The following AUH variants were observed in gnomAD, a reference collection of about 807,000 sequenced individuals.
The protein encoded by AUH is methylglutaconyl-CoA hydratase, mitochondrial.
A neutral mutation model predicts 42.3 loss-of-function variants in AUH; 29 were observed. That is an observed-to-expected ratio of 0.69 (90% confidence interval 0.51 to 0.93). The LOEUF (loss-of-function observed/expected upper bound fraction) is 0.93. Among genes scored for constraint, AUH ranks in the 40% least tolerant of loss-of-function variants. The pLI is 0.00. For missense variants in AUH, 452 were observed against 438.1 expected (o/e 1.03, Z -0.28); for synonymous variants, 174 against 166.4 (o/e 1.05, Z -0.35).
At chr9:91,317,282 T>A (rs1829230395) in intron 4 of AUH, among the ~76,000 whole-genome samples, 1 of 152,222 alleles carries the variant, frequency 6.6e-6, no homozygotes, top group African/African-American at 2.4e-5. Flanking sequence ...TTACACTGAA[T>A]TACACCATTT....
intron 6 of AUH, among the ~76,000 whole-genome samples, chr9:91,288,339 T>C (rs1316890048): frequency 1.3e-5 from 2 of 152,160 alleles, no homozygotes; most frequent in East Asian, 3.8e-4. Flanking sequence ...AAGTACTGTT[T>C]TAGGAACTAT....
intron 4 of AUH, among the ~76,000 whole-genome samples, chr9:91,317,374 T>C (rs1213519203): frequency 1.3e-5 from 2 of 152,196 alleles, no homozygotes; most frequent in African/African-American, 4.8e-5. Flanking sequence ...CATGTTACAA[T>C]AAAGTTTTAT....
intron 6 of AUH, among the ~76,000 whole-genome samples, chr9:91,249,392 T>C (rs931568440): frequency 1.3e-5 from 2 of 148,450 alleles, no homozygotes; most frequent in East Asian, 2.0e-4. Flanking sequence ...TGGACCCACA[T>C]GGCTCTGTGA....
At chr9:91,353,526 T>C (rs1360198784) in intron 3 of AUH, among the ~76,000 whole-genome samples, 2 of 152,192 alleles carry the variant, frequency 1.3e-5, no homozygotes, top group Non-Finnish European at 2.9e-5. Context: ...AAATATTCTT[T>C]AAATAATGTA....
At chr9:91,330,207 A>G (rs1830229339) in intron 3 of AUH, among the ~76,000 whole-genome samples, 1 of 152,316 alleles carries the variant, frequency 6.6e-6, no homozygotes, top group South Asian at 2.1e-4. Context: ...AATCTCGAAA[A>G]GATATCACTT....
chr9:91,352,916 C>T (rs558288432), intron 3 of AUH, among the ~76,000 whole-genome samples: 11 of 152,128 alleles, frequency 7.2e-5, no homozygotes, highest in African/African-American at 2.7e-4. Context: ...TGAGGCAAGA[C>T]CATTTGCTAA....
At chr9:91,361,295 T>G (rs149855517) in intron 1 of AUH, among the ~76,000 whole-genome samples, 1 of 152,308 alleles carries the variant, frequency 6.6e-6, no homozygotes, top group East Asian at 1.9e-4. Context: ...CAATAAAGCC[T>G]GGTAGCAAGG....
At chr9:91,245,203 T>C (rs1210579792) in intron 6 of AUH, among the ~76,000 whole-genome samples, 3 of 152,020 alleles carry the variant, frequency 2.0e-5, no homozygotes, top group East Asian at 1.9e-4. Context: ...GCCCAGCAGG[T>C]GGGAACTGGA....
intron 5 of AUH, 120 bp from the exon 6 acceptor site, chr9:91,296,197 C>CTTTTTTTTT: frequency 1.0e-6 from 1 of 1,001,806 alleles, no homozygotes; most frequent in Non-Finnish European, 1.5e-6. Context: ...ATCACAAATT[C>CTTTTTTTTT]TTAAAAAAAA....
In AUH at chr9:91,361,761, C is replaced by A; in HGVS notation, c.129G>T (p.Arg43=). The change falls in exon 1 of 10, where the codon CGG becomes CGT. Residue 43 remains arginine, a synonymous_variant. Coordinates refer to ENST00000375731, the MANE Select transcript of AUH (RefSeq NM_001698.3). ...GLRLPGSLAG[R]RAGPAIWAQG... ...GGGCCCAGATCGCCGGGCCCGCTCGCCGGCCTGCCAACGAGCCGGGCAGCC... is the reference window on the plus strand; with the variant it reads ...GGGCCCAGATCGCCGGGCCCGCTCGACGGCCTGCCAACGAGCCGGGCAGCC... 1 of 1,544,926 alleles carries A rather than the reference C, an allele frequency of 6.5e-7. No individual in the cohort carries two copies. Among genetic ancestry groups the A allele is most frequent in the East Asian group, 2.5e-5 (1 of 40,444 alleles).
intron 4 of AUH, among the ~76,000 whole-genome samples, chr9:91,319,869 G>A (rs2131826094): frequency 1.3e-5 from 2 of 152,296 alleles, no homozygotes; most frequent in Middle Eastern, 6.8e-3. Flanking sequence ...GATCTCTCAA[G>A]TCGTCTACTT....
rs529386518 is a variant in AUH, at chr9:91,272,833, C to T, written c.655+23188G>A. Among the ~76,000 whole-genome samples the T allele has an allele frequency of 1.4e-4, 21 of 152,056 alleles. No individual in the cohort carries two copies. The South Asian group carries it at 4.4e-3, about 32-fold the overall frequency. ...TGAATATATTTCACAAACTTACAAACCAAAAAAAACTTCACTGTAAAATCA... is the reference window on the plus strand; with the variant it reads ...TGAATATATTTCACAAACTTACAAATCAAAAAAAACTTCACTGTAAAATCA... On this transcript the variant is annotated intron_variant, in intron 6 of 9. Transcript: ENST00000375731.
chr9:91,266,362 A>AAAATAAAT (rs144350488), intron 6 of AUH, among the ~76,000 whole-genome samples: 12 of 147,986 alleles, frequency 8.1e-5, no homozygotes, highest in South Asian at 4.3e-4. Context: ...ACTCCATCTC[A>AAAATAAAT]AAATAAATAA....
intron 3 of AUH, among the ~76,000 whole-genome samples, chr9:91,354,819 C>T (rs533336523): frequency 1.2e-3 from 184 of 152,250 alleles, no homozygotes; most frequent in African/African-American, 4.2e-3. Flanking sequence ...TCTCAACCAT[C>T]AGTCATGTGT....
intron 3 of AUH, among the ~76,000 whole-genome samples, chr9:91,342,102 G>T (rs577843356): frequency 6.6e-6 from 1 of 152,298 alleles, no homozygotes; most frequent in East Asian, 1.9e-4. Context: ...AAGCTTAAAG[G>T]GATTACCTGA....
chr9:91,327,611 A>G (rs1273627150), intron 3 of AUH, among the ~76,000 whole-genome samples: 1 of 152,130 alleles, frequency 6.6e-6, no homozygotes, highest in Non-Finnish European at 1.5e-5. Context: ...CACGCACCTC[A>G]TTCCTCTTGG....
At chr9:91,304,415 T>C (rs906816990) in intron 4 of AUH, among the ~76,000 whole-genome samples, 1 of 152,234 alleles carries the variant, frequency 6.6e-6, no homozygotes, top group African/African-American at 2.4e-5. Flanking sequence ...CAACATGGAA[T>C]AGGGTCCAAC....
chr9:91,327,489 C>T lies in AUH; in HGVS notation c.419-2085G>A, dbSNP rs1388303208. On this transcript the variant is annotated intron_variant, in intron 3 of 9. Transcript: ENST00000375731. The stretch of plus-strand genomic sequence containing the variant: ...CACCTCCATTCTAACCCATAAAAAC[C>T]CCAGACTCACCCTCTCAGGTGGCTA... Among the ~76,000 whole-genome samples the T allele has an allele frequency of 2.6e-5, 4 of 152,146 alleles. No individual in the cohort carries two copies. The East Asian group carries it at 7.7e-4, about 29-fold the overall frequency.
At chr9:91,259,192 TA>T (rs974312445) in intron 6 of AUH, among the ~76,000 whole-genome samples, 1 of 152,230 alleles carries the variant, frequency 6.6e-6, no homozygotes, top group Non-Finnish European at 1.5e-5. Context: ...TTCAATTTCT[TA>T]AAAAAGTACA....
Sources: gnomAD v4.1 joint callset for allele counts (sites outside exome capture counted in the v4.1 genomes callset) on GRCh38, gnomAD v4.1.1 for gene constraint, MANE v1.5 for transcripts, NCBI Gene and HGNC (gene_info 2026-07-23, HGNC 2026-07-21) for gene names.